Variants in FBN3 observed in about 807,000 individuals in gnomAD.
FBN3 encodes fibrillin 3.
Under a neutral mutation model 330.1 loss-of-function variants are expected in FBN3, and 234 were observed. That is an observed-to-expected ratio of 0.71 (90% CI 0.64 to 0.79). The LOEUF is 0.79. FBN3 is among the 30% of genes least tolerant of loss of function. FBN3 has a pLI of 0.00. For missense variants in FBN3, 3,606 were observed against 3,886.9 expected (o/e 0.93, Z 1.92); for synonymous variants, 1,458 against 1,517.3 (o/e 0.96, Z 0.91).
chr19:8,078,259 A>G (rs1346449253), intron 59 of FBN3, among the ~76,000 whole-genome samples: 1 of 152,202 alleles, frequency 6.6e-6, no homozygotes, highest in Non-Finnish European at 1.5e-5. Context: ...TGTTGTATCA[A>G]TAAAGTTTAT....
rs1271237087 is a variant in FBN3 at position 8,145,905 on chromosome 19, C to T, written c.383G>A (p.Gly128Asp). ...CAGACAGGACGCCCCCCGGCAGGTG[C>T]CCCCATTCATACAGCTCACACTGCA... Reference protein sequence around the residue: ...SGCSVSCMNGGTCRGASCLCQ... With the variant: ...SGCSVSCMNGDTCRGASCLCQ... The change falls in exon 5 of 64, where the codon GGC (glycine) becomes GAC (aspartate). Residue 128 changes from glycine to aspartate, a missense_variant. Transcript: ENST00000600128. The T allele has an allele frequency of 1.3e-5, 20 of 1,551,248 alleles. No homozygotes were observed. Among genetic ancestry groups the T allele is most frequent in the Non-Finnish European group, 1.6e-5 (18 of 1,146,972 alleles).
At chr19:8,106,281 G>C in intron 37 of FBN3, 48 bp from the exon 38 acceptor site, 1 of 1,607,442 alleles carries the variant, frequency 6.2e-7, no homozygotes, top group Non-Finnish European at 8.5e-7. Context: ...CCCATGCAGA[G>C]GACTTAAGGG....
rs146319066 is a variant in FBN3 at position 8,138,282 on chromosome 19, G to T, written c.1060C>A (p.Pro354Thr). ...QLCAQRLPLL[P>T]GHPGLFPGLL... ...CCAGGGAAGAGGCCAGGGTGGCCGG[G>T]TAGCAGCGGCAGCCGCTGGGCGCAC... is the stretch of plus-strand genomic sequence containing the variant. The change falls in exon 10 of 64, where the codon CCC becomes ACC. Residue 354 changes from proline to threonine, a missense_variant. Transcript: ENST00000600128. 25 of 1,612,952 alleles carry T rather than the reference G, an allele frequency of 1.5e-5. No individual in the cohort carries two copies. Among genetic ancestry groups the T allele is most frequent in the Middle Eastern group, 1.7e-4 (1 of 6,044 alleles).
intron 47 of FBN3, 100 bp downstream of exon 47, chr19:8,094,346 C>T (rs548521613): frequency 3.0e-6 from 4 of 1,311,538 alleles, no homozygotes; most frequent in African/African-American, 2.9e-5. Flanking sequence ...TTAAGTACAT[C>T]TCCACCTTCA....
chr19:8,117,634 C>A (rs750633805), intron 26 of FBN3, 45 bp from the exon 27 acceptor site: 2 of 1,491,826 alleles, frequency 1.3e-6, no homozygotes, highest in South Asian at 1.3e-5. Flanking sequence ...CCCCATCTGC[C>A]GTCTGTGTGA....
chr19:8,081,330 G>C (rs377667943), intron 58 of FBN3, 28 bp downstream of exon 58: 2 of 1,579,486 alleles, frequency 1.3e-6, no homozygotes, highest in South Asian at 2.4e-5. Flanking sequence ...GCAGTGGTGG[G>C]AGTGGGGGAG....
chr19:8,113,432 T>A (rs2082634020), intron 30 of FBN3, among the ~76,000 whole-genome samples: 1 of 152,112 alleles, frequency 6.6e-6, no homozygotes, highest in Admixed American at 6.6e-5. Context: ...GCCTGGCTAT[T>A]TTTTAAAATT....
At chr19:8,101,984 C>T (rs555649371) in intron 40 of FBN3, among the ~76,000 whole-genome samples, 166 of 152,270 alleles carry the variant, frequency 1.1e-3, no homozygotes, top group Non-Finnish European at 2.1e-3. Flanking sequence ...GGGAGGGACC[C>T]GGTGGGAGGT....
At chr19:8,106,298 A>G (rs1683212193) in intron 37 of FBN3, 65 bp from the exon 38 acceptor site, 2 of 1,589,250 alleles carry the variant, frequency 1.3e-6, no homozygotes, top group South Asian at 1.1e-5. Flanking sequence ...AGGGGCACCC[A>G]CACCATGCTC....
chr19:8,130,020 C>T (rs1301345680), intron 16 of FBN3, among the ~76,000 whole-genome samples: 1 of 151,962 alleles, frequency 6.6e-6, no homozygotes, highest in African/African-American at 2.4e-5. Context: ...GACTCAGCCC[C>T]CCAAGTAGCT....
chr19:8,106,065 G>C (rs751626908), intron 38 of FBN3, 43 bp downstream of exon 38: 1 of 1,609,198 alleles, frequency 6.2e-7, no homozygotes, highest in Non-Finnish European at 8.5e-7. Context: ...GGCAGGGAGA[G>C]AGCGGAAGAG....
chr19:8,076,150 G>GTGC (rs1449132530), intron 59 of FBN3, among the ~76,000 whole-genome samples: 2 of 151,964 alleles, frequency 1.3e-5, no homozygotes, highest in Non-Finnish European at 1.5e-5. Flanking sequence ...AGAACCAGCC[G>GTGC]TGCTGCCACC....
intron 41 of FBN3, 67 bp from the exon 42 acceptor site, chr19:8,097,481 G>A (rs907039320): frequency 6.6e-7 from 1 of 1,512,710 alleles, no homozygotes; most frequent in Non-Finnish European, 9.0e-7. Flanking sequence ...CTGAGCGAAG[G>A]GACCCACTAG....
At position 8,138,206 on chromosome 19, in the gene FBN3, C is replaced by T. The variant is rs749371331; in HGVS notation, c.1136G>A (p.Arg379Gln). 5.0e-6 allele frequency: 8 copies of T among 1,612,690 alleles called. No homozygotes were observed. In the African/African-American group the frequency reaches 5.3e-5, roughly 11 times the overall value. Residue 379 changes from arginine to glutamine, a missense_variant, in exon 10 of 64, where the codon CGA becomes CAA. Arg to Gln is a conservative substitution (Grantham distance 43). Transcript: ENST00000600128. ...NGMGPPLGPA[R>Q]LNPHGSDARG... Reference sequence around the variant, plus strand: ...CGCATCAGAGCCATGGGGGTTGAGTCGCGCTGGCCCAAGAGGGGGACCCAT... The same window carrying T: ...CGCATCAGAGCCATGGGGGTTGAGTTGCGCTGGCCCAAGAGGGGGACCCAT...
At chr19:8,111,235 A>G (rs752421460) in intron 32 of FBN3, 52 bp from the exon 33 acceptor site, 1 of 1,540,850 alleles carries the variant, frequency 6.5e-7, no homozygotes, top group South Asian at 1.2e-5. Context: ...CAGGACCCAC[A>G]CAGGGTGGGC....
chr19:8,100,873 A>G (rs2082312949), intron 41 of FBN3, 28 bp downstream of exon 41: 5 of 1,600,686 alleles, frequency 3.1e-6, no homozygotes, highest in Non-Finnish European at 4.3e-6. Flanking sequence ...ATGGGTGCCC[A>G]GGGATAGAGC....
chr19:8,119,813 CTTTTTTTTTT>C (rs869084219), intron 25 of FBN3, among the ~76,000 whole-genome samples: 4 of 48,780 alleles, frequency 8.2e-5, no homozygotes, highest in South Asian at 1.1e-3. Context: ...CGAGCCCAGC[CTTTTTTTTTT>C]TTTTTTTTTT....
intron 41 of FBN3, among the ~76,000 whole-genome samples, chr19:8,098,087 T>C (rs8104517): frequency 0.4 from 61,501 of 152,098 alleles, 13,283 homozygotes; most frequent in East Asian, 0.76. Context: ...ACTGTGAATG[T>C]ACTCAAAACC....
intron 30 of FBN3, among the ~76,000 whole-genome samples, chr19:8,114,064 G>A (rs886081553): frequency 2.0e-5 from 3 of 151,548 alleles, no homozygotes; most frequent in African/African-American, 7.3e-5. Context: ...GAGAGAAGAA[G>A]GCCGTGTGAA....
Sources: gnomAD v4.1 joint callset for allele counts (sites outside exome capture counted in the v4.1 genomes callset) on GRCh38, gnomAD v4.1.1 for gene constraint, MANE v1.5 for transcripts, NCBI Gene and HGNC (gene_info 2026-07-23, HGNC 2026-07-21) for gene names.